Variants in SAMD3 observed in about 807,000 individuals in gnomAD.
SAMD3 encodes sterile alpha motif domain containing 3.
A neutral mutation model predicts 58.5 loss-of-function variants in SAMD3; 63 were observed. The ratio of observed to expected loss-of-function variants is 1.08; its 90% confidence interval spans 0.88 to 1.33. The LOEUF (loss-of-function observed/expected upper bound fraction) is 1.33, where lower values mean the gene tolerates loss of function less well. SAMD3 is among the 40% of genes most tolerant of loss of function. The pLI is 0.00. For synonymous variants in SAMD3, 220 were observed against 210.3 expected (o/e 1.05, Z -0.40); for missense variants, 604 against 608.4 (o/e 0.99, Z 0.08).
chr6:130,331,532 C>A (rs1180372462), intron 1 of SAMD3, among the ~76,000 whole-genome samples: 3 of 152,040 alleles, frequency 2.0e-5, no homozygotes, highest in African/African-American at 7.2e-5. Flanking sequence ...ACCAGCCTGA[C>A]CAACATGGTG....
chr6:130,185,181 T>C (rs1176485630), intron 5 of SAMD3, among the ~76,000 whole-genome samples: 1 of 152,192 alleles, frequency 6.6e-6, no homozygotes, highest in Non-Finnish European at 1.5e-5. Flanking sequence ...ATGAAATTTC[T>C]ATGAAGGGCT....
chr6:130,258,575 T>C lies in SAMD3; in HGVS notation c.-187-35762A>G, dbSNP rs182328777. ...TTGACATATGAATAGTCCTGTGAAA[T>C]TATCACAACAATCAAGATAATGAAC... is the stretch of plus-strand genomic sequence containing the variant. On this transcript the variant is annotated intron_variant, in intron 2 of 13. Coordinates refer to the SAMD3 transcript ENST00000368134. Among the ~76,000 whole-genome samples, 594 of 152,288 alleles carry C rather than the reference T, an allele frequency of 3.9e-3. 8 individuals carry two copies. Among genetic ancestry groups the C allele is most frequent in the Middle Eastern group, 0.01 (3 of 294 alleles).
chr6:130,314,866 C>T (rs1776307281), intron 1 of SAMD3, among the ~76,000 whole-genome samples: 1 of 152,140 alleles, frequency 6.6e-6, no homozygotes, highest in South Asian at 2.1e-4. Flanking sequence ...TAGCTACATG[C>T]AATTTTGAAA....
At chr6:130,346,565 TAAACA>T (rs1265579908) in intron 1 of SAMD3, among the ~76,000 whole-genome samples, 1 of 152,022 alleles carries the variant, frequency 6.6e-6, no homozygotes, top group Non-Finnish European at 1.5e-5. Context: ...CTTGAGTAGG[TAAACA>T]AAGTGGCTGG....
intron 2 of SAMD3, among the ~76,000 whole-genome samples, chr6:130,251,528 T>C (rs1476690300): frequency 6.6e-6 from 1 of 152,174 alleles, no homozygotes; most frequent in African/African-American, 2.4e-5. Flanking sequence ...ATTTAGGTCT[T>C]TTATCTATGT....
intron 1 of SAMD3, among the ~76,000 whole-genome samples, chr6:130,339,635 A>G (rs1161298666): frequency 6.6e-6 from 1 of 152,142 alleles, no homozygotes; most frequent in African/African-American, 2.4e-5. Flanking sequence ...TCTTTTCTTT[A>G]TAAGTTATCC....
chr6:130,312,946 G>A (rs984798479), intron 2 of SAMD3: 1 of 152,150 alleles, frequency 6.6e-6, no homozygotes, highest in African/African-American at 2.4e-5. Context: ...TGCATAGCAC[G>A]TGATGGGAAC....
At chr6:130,284,456 C>T (rs1775090320) in intron 2 of SAMD3, among the ~76,000 whole-genome samples, 1 of 151,708 alleles carries the variant, frequency 6.6e-6, no homozygotes, top group East Asian at 1.9e-4. Context: ...GATAAAAAAT[C>T]ATTTTAAAGA....
intron 1 of SAMD3, among the ~76,000 whole-genome samples, chr6:130,321,819 A>T (rs1488739639): frequency 6.6e-6 from 1 of 152,134 alleles, no homozygotes; most frequent in East Asian, 1.9e-4. Flanking sequence ...TTGAAAAAAA[A>T]GTCTAGACTA....
chr6:130,191,624 CT>C (rs5880007), intron 5 of SAMD3, among the ~76,000 whole-genome samples: 47,119 of 143,962 alleles, frequency 0.33, 7,475 homozygotes, highest in East Asian at 0.47. Flanking sequence ...TGCTTCCTTC[CT>C]TTTTTTTTTT....
chr6:130,214,040 TCTC>T (rs1347112778), intron 4 of SAMD3, among the ~76,000 whole-genome samples: 1 of 152,122 alleles, frequency 6.6e-6, no homozygotes, highest in Admixed American at 6.6e-5. Flanking sequence ...GGATCCCCTT[TCTC>T]CTTGTGTTAC....
intron 5 of SAMD3, among the ~76,000 whole-genome samples, chr6:130,208,147 G>C (rs142599724): frequency 6.6e-6 from 1 of 152,338 alleles, no homozygotes; most frequent in African/African-American, 2.4e-5. Context: ...TGCTCTGTGG[G>C]CAAAATGAGC....
chr6:130,356,026 T>C (rs1158657779), intron 1 of SAMD3, among the ~76,000 whole-genome samples: 2 of 152,202 alleles, frequency 1.3e-5, no homozygotes, highest in East Asian at 3.8e-4. Context: ...TTTTTTCAAT[T>C]GCCATCAGTT....
chr6:130,156,284 C>A (rs1162279301), intron 8 of SAMD3, among the ~76,000 whole-genome samples: 2 of 151,936 alleles, frequency 1.3e-5, no homozygotes, highest in Non-Finnish European at 2.9e-5. Flanking sequence ...CGAGATCACA[C>A]CACTGCACTG....
chr6:130,261,566 T>C (rs1427082587), intron 2 of SAMD3, among the ~76,000 whole-genome samples: 1 of 152,214 alleles, frequency 6.6e-6, no homozygotes, highest in Non-Finnish European at 1.5e-5. Context: ...GTGCCCTTTT[T>C]ACCCATTCTT....
chr6:130,281,576 A>G (rs1213737638), intron 2 of SAMD3, among the ~76,000 whole-genome samples: 1 of 151,940 alleles, frequency 6.6e-6, no homozygotes, highest in Non-Finnish European at 1.5e-5. Context: ...ATCCTTCAAG[A>G]GCTTTCAATG....
intron 4 of SAMD3, among the ~76,000 whole-genome samples, chr6:130,212,436 G>A (rs1488519475): frequency 6.6e-6 from 1 of 152,164 alleles, no homozygotes; most frequent in Non-Finnish European, 1.5e-5. Flanking sequence ...TCTTGGCCAT[G>A]TTTGAAACTA....
chr6:130,265,826 T>C (rs1401525692), intron 2 of SAMD3, among the ~76,000 whole-genome samples: 2 of 152,130 alleles, frequency 1.3e-5, no homozygotes, highest in African/African-American at 4.8e-5. Flanking sequence ...GTGCTGTCAT[T>C]AATAGTAATA....
intron 1 of SAMD3, among the ~76,000 whole-genome samples, chr6:130,319,983 AAAAT>A (rs1776530731): frequency 6.6e-6 from 1 of 151,976 alleles, no homozygotes; most frequent in South Asian, 2.1e-4. Context: ...CAAAGAGAAA[AAAAT>A]AAACACACAC....
Sources: allele counts gnomAD v4.1 joint callset (sites outside exome capture counted in the v4.1 genomes callset), GRCh38; gene constraint gnomAD v4.1.1; transcripts MANE v1.5; gene names NCBI Gene and HGNC (gene_info 2026-07-23, HGNC 2026-07-21).